Variants in VWC2 observed in about 807,000 individuals in gnomAD.
The protein encoded by VWC2 is von Willebrand factor C domain containing 2.
In VWC2, 14 loss-of-function variants were observed where a neutral mutation model predicts 29.8. That is an observed-to-expected ratio of 0.47 (90% CI 0.31 to 0.74). VWC2 has a LOEUF of 0.74. Ranked by LOEUF, VWC2 falls within the 30% of genes least tolerant of loss-of-function variation. The pLI is 0.05. For missense variants in VWC2, 457 were observed against 459.8 expected (o/e 0.99, Z 0.05); for synonymous variants, 213 against 199.0 (o/e 1.07, Z -0.59).
rs1298804023 is a variant in VWC2, at chr7:49,892,042, T to G, written c.827-19992T>G. ...AACAGACAAAGTAGATTTTTTTTTT[T>G]TTTTTTTTTTTTTTTTTTTTGAGAC... On this transcript the variant is annotated intron_variant, in intron 3 of 3. Transcript: ENST00000340652. Among the ~76,000 whole-genome samples, 33 of 124,278 alleles carry G rather than the reference T, an allele frequency of 2.7e-4. 1 individual carries two copies. The highest frequency in any genetic ancestry group is 1.0e-3 in the African/African-American group (33 of 32,908). 81.5% of individuals were successfully genotyped at this position (124,278 alleles called of 152,430 possible).
intron 3 of VWC2, among the ~76,000 whole-genome samples, chr7:49,805,355 C>T (rs908017442): frequency 5.9e-5 from 9 of 152,154 alleles, no homozygotes; most frequent in Admixed American, 5.2e-4. Flanking sequence ...ATTTATATTA[C>T]AGAAAGACTT....
At chr7:49,825,021 G>A (rs893933024) in intron 3 of VWC2, among the ~76,000 whole-genome samples, 2 of 151,884 alleles carry the variant, frequency 1.3e-5, no homozygotes, top group Non-Finnish European at 1.5e-5. Context: ...GGTCTTTAAG[G>A]ATTTGTTTAT....
At chr7:49,898,184 ATG>A (rs1481570102) in intron 3 of VWC2, among the ~76,000 whole-genome samples, 2 of 151,942 alleles carry the variant, frequency 1.3e-5, no homozygotes, top group African/African-American at 4.8e-5. Context: ...GTGTGTATAT[ATG>A]TGTGTGTATA....
chr7:49,842,016 G>A (rs750476365), intron 3 of VWC2, among the ~76,000 whole-genome samples: 18 of 151,922 alleles, frequency 1.2e-4, no homozygotes, highest in Non-Finnish European at 1.6e-4. Flanking sequence ...ACAGGTGCTC[G>A]CCACCACGCC....
At chr7:49,832,311 T>G (rs1293924265) in intron 3 of VWC2, among the ~76,000 whole-genome samples, 1 of 152,176 alleles carries the variant, frequency 6.6e-6, no homozygotes, top group South Asian at 2.1e-4. Flanking sequence ...TTTTATTTGC[T>G]ATTCTAGAAT....
At chr7:49,826,149 C>T (rs1256140326) in intron 3 of VWC2, among the ~76,000 whole-genome samples, 1 of 152,170 alleles carries the variant, frequency 6.6e-6, no homozygotes, top group East Asian at 1.9e-4. Flanking sequence ...TTTCTGCCTG[C>T]TTTTGGTGGC....
intron 3 of VWC2, among the ~76,000 whole-genome samples, chr7:49,805,650 T>C (rs1046275612): frequency 5.3e-5 from 8 of 152,350 alleles, no homozygotes; most frequent in African/African-American, 1.9e-4. Context: ...ATGAATAATT[T>C]ACAGTAGTCC....
intron 3 of VWC2, among the ~76,000 whole-genome samples, chr7:49,844,701 AT>A (rs1458826045): frequency 1.3e-5 from 2 of 151,488 alleles, no homozygotes; most frequent in South Asian, 2.1e-4. Context: ...TTTTATTTTT[AT>A]TTTTTTTGAG....
chr7:49,851,515 A>C (rs1482767726), intron 3 of VWC2, among the ~76,000 whole-genome samples: 2 of 152,164 alleles, frequency 1.3e-5, no homozygotes, highest in African/African-American at 4.8e-5. Flanking sequence ...GTGCCACATC[A>C]CAGTGTGTGA....
At chr7:49,836,230 C>T (rs1160593188) in intron 3 of VWC2, among the ~76,000 whole-genome samples, 3 of 152,030 alleles carry the variant, frequency 2.0e-5, no homozygotes, top group Admixed American at 1.3e-4. Flanking sequence ...TTTTTTTCTA[C>T]TAACATGAAC....
chr7:49,885,080 T>A (rs181206603), intron 3 of VWC2, among the ~76,000 whole-genome samples: 1 of 152,212 alleles, frequency 6.6e-6, no homozygotes, highest in Non-Finnish European at 1.5e-5. Context: ...TGGTAAAATA[T>A]CAAAATCTCA....
chr7:49,892,006 G>C (rs1792150700), intron 3 of VWC2, among the ~76,000 whole-genome samples: 1 of 145,080 alleles, frequency 6.9e-6, no homozygotes, highest in Non-Finnish European at 1.5e-5. Context: ...CCAAAAGAAT[G>C]CAGTTGGCAG....
intron 3 of VWC2, among the ~76,000 whole-genome samples, chr7:49,833,676 G>T (rs1344361586): frequency 2.0e-5 from 3 of 152,288 alleles, no homozygotes; most frequent in Admixed American, 2.0e-4. Context: ...TCATCTGAGA[G>T]TGATATTTTT....
intron 2 of VWC2, among the ~76,000 whole-genome samples, chr7:49,800,907 T>G (rs902266591): frequency 1.4e-5 from 2 of 148,106 alleles, no homozygotes; most frequent in African/African-American, 5.0e-5. Flanking sequence ...GAAACTCATC[T>G]CAAAAACAGG....
chr7:49,870,344 G>C (rs1280393794), intron 3 of VWC2, among the ~76,000 whole-genome samples: 1 of 152,174 alleles, frequency 6.6e-6, no homozygotes, highest in Non-Finnish European at 1.5e-5. Context: ...AGCTTGCAGT[G>C]AGCGAAGATT....
intron 3 of VWC2, among the ~76,000 whole-genome samples, chr7:49,813,048 C>A (rs1483938200): frequency 1.3e-5 from 2 of 152,202 alleles, no homozygotes; most frequent in African/African-American, 4.8e-5. Context: ...GGAAGTCCAA[C>A]TCCCCACATG....
Position 49,921,326 on chromosome 7 carries a change from C to T in VWC2, c.*9141C>T, listed in dbSNP as rs1794006104. ...CCCATCCCTGGCCTGAGCCTTACTC[C>T]ATAGCTATAGAGACATAGTCTCTAG... is the stretch of plus-strand genomic sequence containing the variant. On this transcript the variant is annotated 3_prime_UTR_variant, in exon 4 of 4. Transcript: ENST00000340652. 6.6e-6 allele frequency: 1 copy of T among 152,146 alleles called. No homozygotes were observed. Among genetic ancestry groups the T allele is most frequent in the Non-Finnish European group, 1.5e-5 (1 of 68,042 alleles). The allele number at this position is 152,146 out of a possible 1,614,324, so 9.4% of individuals were successfully genotyped here.
intron 3 of VWC2, among the ~76,000 whole-genome samples, chr7:49,805,895 A>G (rs1273160197): frequency 6.6e-6 from 1 of 152,210 alleles, no homozygotes. Flanking sequence ...CAGAAGGAAA[A>G]TTACAGTTCA....
chr7:49,804,749 C>T (rs374061611), intron 3 of VWC2, among the ~76,000 whole-genome samples: 13 of 152,216 alleles, frequency 8.5e-5, no homozygotes, highest in East Asian at 3.9e-4. Flanking sequence ...AACACGTTGC[C>T]GTATTTGCTT....
Sources: allele counts gnomAD v4.1 joint callset (sites outside exome capture counted in the v4.1 genomes callset), GRCh38; gene constraint gnomAD v4.1.1; transcripts MANE v1.5; gene names NCBI Gene and HGNC (gene_info 2026-07-23, HGNC 2026-07-21).